The following UGGT2 variants were observed in gnomAD, a reference collection of about 807,000 sequenced individuals.
The protein encoded by UGGT2 is UDP-glucose glycoprotein glucosyltransferase 2.
Under a neutral mutation model 192.1 loss-of-function variants are expected in UGGT2, and 180 were observed. That is an observed-to-expected ratio of 0.94 (90% CI 0.83 to 1.06). The LOEUF (loss-of-function observed/expected upper bound fraction) is 1.06. Among genes scored for constraint, UGGT2 ranks in the 50% least tolerant of loss-of-function variants. UGGT2 has a pLI of 0.00. For synonymous variants in UGGT2, 580 were observed against 591.0 expected, an observed-to-expected ratio of 0.98 and a Z score of 0.27; for missense variants, 1,849 against 1,795.7, an observed-to-expected ratio of 1.03 and a Z score of -0.54.
intron 25 of UGGT2, among the ~76,000 whole-genome samples, chr13:95,890,483 T>C (rs1281528664): frequency 1.3e-5 from 2 of 152,176 alleles, no homozygotes; most frequent in African/African-American, 4.8e-5. Flanking sequence ...CCTCTGTTCA[T>C]CTTTTAAGGC....
chr13:95,917,569 C>G (rs1407756935), intron 20 of UGGT2, among the ~76,000 whole-genome samples: 1 of 152,094 alleles, frequency 6.6e-6, no homozygotes, highest in Non-Finnish European at 1.5e-5. Context: ...ACAATACTAA[C>G]CTTAAATGCA....
intron 12 of UGGT2, among the ~76,000 whole-genome samples, chr13:95,962,597 TA>T (rs1193844110): frequency 6.6e-6 from 1 of 152,150 alleles, no homozygotes; most frequent in East Asian, 1.9e-4. Flanking sequence ...ATGGCTTTAC[TA>T]CCTAATTCTA....
intron 1 of UGGT2, among the ~76,000 whole-genome samples, chr13:96,045,082 T>C (rs34816227): frequency 0.4 from 60,415 of 151,490 alleles, 12,173 homozygotes; most frequent in Middle Eastern, 0.43. Flanking sequence ...AACACAGATG[T>C]AAAAATCCTT....
At chr13:95,862,659 T>C (rs1890269035) in intron 31 of UGGT2, among the ~76,000 whole-genome samples, 1 of 152,126 alleles carries the variant, frequency 6.6e-6, no homozygotes, top group Admixed American at 6.6e-5. Context: ...CCTTGGAACT[T>C]TTATTGGTAC....
chr13:96,010,290 G>A (rs916999171), intron 5 of UGGT2, among the ~76,000 whole-genome samples: 22 of 152,128 alleles, frequency 1.4e-4, no homozygotes, highest in African/African-American at 4.3e-4. Context: ...TATACACCAC[G>A]AAATACTACA....
intron 33 of UGGT2, chr13:95,856,745 G>T: frequency 2.9e-6 from 1 of 340,178 alleles, no homozygotes; most frequent in South Asian, 2.4e-5. Flanking sequence ...GAGATGTAAA[G>T]ATGAAGAGAG....
chr13:95,879,625 C>T (rs951992399), intron 27 of UGGT2, among the ~76,000 whole-genome samples: 5 of 152,032 alleles, frequency 3.3e-5, no homozygotes, highest in Non-Finnish European at 5.9e-5. Context: ...TTAGTAGAGA[C>T]GGGGTTTCAC....
chr13:95,890,983 A>G lies in UGGT2; in HGVS notation c.2856-19T>C, dbSNP rs756791957. 2.6e-6 allele frequency: 4 copies of G among 1,532,952 alleles called. No individual in the cohort carries two copies. Among genetic ancestry groups the G allele is most frequent in the Non-Finnish European group, 3.6e-6 (4 of 1,112,984 alleles). The allele number at this position is 1,532,952 out of a possible 1,614,324, so 95.0% of individuals were successfully genotyped here. ...TATAACACTAAGAAAATAGAAAATA[A>G]GATGAAAGATGACGTGTTAAGTTTA... On this transcript the variant is annotated intron_variant, in intron 24 of 38. Coordinates refer to ENST00000376747, the MANE Select transcript of UGGT2 (RefSeq NM_020121.4).
chr13:95,964,961 A>ATT (rs1282398278), intron 12 of UGGT2, among the ~76,000 whole-genome samples: 3 of 152,216 alleles, frequency 2.0e-5, no homozygotes, highest in African/African-American at 7.2e-5. Context: ...AAAAGAAGAC[A>ATT]TTTATGCAGC....
intron 38 of UGGT2, among the ~76,000 whole-genome samples, chr13:95,813,559 G>T (rs1017850162): frequency 6.6e-6 from 1 of 152,134 alleles, no homozygotes; most frequent in African/African-American, 2.4e-5. Flanking sequence ...CTTTTAAAAG[G>T]GAAGCAGGGT....
chr13:95,845,844 C>T (rs959168676), intron 36 of UGGT2, among the ~76,000 whole-genome samples: 7 of 149,492 alleles, frequency 4.7e-5, no homozygotes, highest in Non-Finnish European at 8.9e-5. Flanking sequence ...GGGGCAGAGG[C>T]GCTCCCCACA....
chr13:96,032,109 C>A, intron 1 of UGGT2, 138 bp from the exon 2 acceptor site: 1 of 550,290 alleles, frequency 1.8e-6, no homozygotes, highest in Non-Finnish European at 3.2e-6. Context: ...TACTAATTTC[C>A]ATTTACTATA....
intron 27 of UGGT2, among the ~76,000 whole-genome samples, chr13:95,880,655 A>G (rs1361918875): frequency 6.6e-6 from 1 of 152,232 alleles, no homozygotes; most frequent in Non-Finnish European, 1.5e-5. Flanking sequence ...TAAACAATTC[A>G]TAAGTTTTAA....
At chr13:95,972,280 C>A (rs2050797604) in intron 11 of UGGT2, among the ~76,000 whole-genome samples, 1 of 151,924 alleles carries the variant, frequency 6.6e-6, no homozygotes, top group Non-Finnish European at 1.5e-5. Flanking sequence ...TTGTTCAGTC[C>A]AGTTCCAAAT....
intron 36 of UGGT2, among the ~76,000 whole-genome samples, chr13:95,852,440 T>C (rs751391209): frequency 6.6e-6 from 1 of 152,198 alleles, no homozygotes; most frequent in African/African-American, 2.4e-5. Context: ...CCCCAGCCCC[T>C]ATTCACTATT....
intron 38 of UGGT2, among the ~76,000 whole-genome samples, chr13:95,808,082 G>C (rs924357948): frequency 6.6e-6 from 1 of 152,050 alleles, no homozygotes; most frequent in African/African-American, 2.4e-5. Context: ...TGGAGTTCTG[G>C]GTGGCCAGAG....
chr13:95,972,959 T>C (rs2050821878), intron 10 of UGGT2, among the ~76,000 whole-genome samples: 1 of 152,110 alleles, frequency 6.6e-6, no homozygotes, highest in African/African-American at 2.4e-5. Context: ...TCACCTGAGG[T>C]CAGGAGTTCA....
chr13:95,910,628 A>G (rs2048462466), intron 20 of UGGT2, among the ~76,000 whole-genome samples: 1 of 152,146 alleles, frequency 6.6e-6, no homozygotes, highest in Non-Finnish European at 1.5e-5. Context: ...AGACTCCCAC[A>G]CAATAATAAT....
chr13:95,816,786 C>T (rs940344396), intron 38 of UGGT2, among the ~76,000 whole-genome samples: 5 of 152,288 alleles, frequency 3.3e-5, no homozygotes, highest in East Asian at 1.9e-4. Context: ...AAATGTTCTA[C>T]ATCTTGATTG....
Sources: allele counts gnomAD v4.1 joint callset (sites outside exome capture counted in the v4.1 genomes callset), GRCh38; gene constraint gnomAD v4.1.1; transcripts MANE v1.5; gene names NCBI Gene and HGNC (gene_info 2026-07-23, HGNC 2026-07-21).